The following DGKI variants were observed in gnomAD, a reference collection of about 807,000 sequenced individuals.
DGKI encodes the protein DAG kinase iota.
A neutral mutation model predicts 147.5 loss-of-function variants in DGKI; 55 were observed. That is an observed-to-expected ratio of 0.37 (90% CI 0.30 to 0.47). DGKI has a LOEUF of 0.47. Among genes scored for constraint, DGKI ranks in the 20% least tolerant of loss-of-function variants. The pLI is 1.00. For missense variants in DGKI, 1,007 were observed against 1,323.8 expected (o/e 0.76, Z 3.71); for synonymous variants, 469 against 477.1 (o/e 0.98, Z 0.22).
At chr7:137,797,553 C>G (rs1797071145) in intron 1 of DGKI, among the ~76,000 whole-genome samples, 1 of 152,040 alleles carries the variant, frequency 6.6e-6, no homozygotes, top group African/African-American at 2.4e-5. Flanking sequence ...GGAAACAGAG[C>G]TGTATATGAA....
rs1225627940 is a variant in DGKI at position 137,383,215 on chromosome 7, A to G, written c.*8005T>C. 6.6e-6 allele frequency: 1 copy of G among 151,056 alleles called. No homozygotes were observed. Among genetic ancestry groups the G allele is most frequent in the African/African-American group, 2.4e-5 (1 of 41,128 alleles). The allele number at this position is 151,056 out of a possible 1,614,324, so 9.4% of individuals were successfully genotyped here. On this transcript the variant is annotated 3_prime_UTR_variant, in exon 33 of 33. Coordinates refer to ENST00000614521, the MANE Select transcript of DGKI (RefSeq NM_001321708.2). ...TTTTAGGAGATTTGGGAATTGGCTA[A>G]CAATTGGCAAAATTGCTAGCCAATT...
chr7:137,396,328 C>T (rs948568838), intron 31 of DGKI, among the ~76,000 whole-genome samples: 2 of 152,132 alleles, frequency 1.3e-5, no homozygotes, highest in Non-Finnish European at 2.9e-5. Context: ...GGGCTCTCCC[C>T]AGGAGGCAGC....
rs534318716 is a variant in DGKI at position 137,635,227 on chromosome 7, C to G, written c.804+10245G>C. On this transcript the variant is annotated intron_variant, in intron 6 of 32. Coordinates refer to ENST00000614521, the MANE Select transcript of DGKI (RefSeq NM_001321708.2). ...GGAGTGATGGATGCTATATGTGGGT[C>G]CAATAGCATGGGTGGCCAGTCACCA... 1.8e-4 allele frequency among the ~76,000 whole-genome samples: 28 copies of G among 152,200 alleles called. No individual in the cohort carries two copies. The South Asian group carries it at 5.6e-3, about 30-fold the overall frequency.
At chr7:137,587,319 T>G in intron 12 of DGKI, 109 bp from the exon 13 acceptor site, 1 of 783,950 alleles carries the variant, frequency 1.3e-6, no homozygotes. Flanking sequence ...GGTTTTATTT[T>G]TCTTTAAAAC....
chr7:137,497,114 A>G (rs1467763269), intron 21 of DGKI, among the ~76,000 whole-genome samples: 6 of 152,076 alleles, frequency 3.9e-5, no homozygotes, highest in Non-Finnish European at 7.4e-5. Context: ...TTTACAAAAA[A>G]AAAAAAAGTG....
chr7:137,619,707 T>C (rs1021014896), intron 8 of DGKI, 117 bp downstream of exon 8: 8 of 750,172 alleles, frequency 1.1e-5, no homozygotes, highest in African/African-American at 3.5e-5. Flanking sequence ...CACAGGGCCT[T>C]GGGGATGAGT....
intron 28 of DGKI, 53 bp downstream of exon 28, chr7:137,444,024 C>G (rs1813614499): frequency 6.8e-7 from 1 of 1,474,586 alleles, no homozygotes; most frequent in African/African-American, 1.4e-5. Flanking sequence ...CTGCAAAGAC[C>G]AGGGGTCAAG....
chr7:137,696,827 G>T (rs1022750903), intron 1 of DGKI, among the ~76,000 whole-genome samples: 1 of 152,074 alleles, frequency 6.6e-6, no homozygotes, highest in African/African-American at 2.4e-5. Context: ...TTTAAGATAG[G>T]GTCTTTACAG....
intron 1 of DGKI, among the ~76,000 whole-genome samples, chr7:137,805,310 C>G (rs1797331866): frequency 6.6e-6 from 1 of 152,154 alleles, no homozygotes; most frequent in African/African-American, 2.4e-5. Flanking sequence ...TTCTCCTTAC[C>G]TGCCTGACAA....
At chr7:137,714,380 A>T (rs944297417) in intron 1 of DGKI, among the ~76,000 whole-genome samples, 17 of 152,228 alleles carry the variant, frequency 1.1e-4, no homozygotes, top group African/African-American at 4.1e-4. Context: ...CATCTTTTAT[A>T]ATGTGAGTGC....
chr7:137,425,820 G>A (rs1006977753), intron 28 of DGKI, among the ~76,000 whole-genome samples: 8 of 152,142 alleles, frequency 5.3e-5, no homozygotes, highest in Non-Finnish European at 1.0e-4. Context: ...TGAAGTGAAT[G>A]AAATGAAGCG....
chr7:137,699,956 G>C (rs534226578), intron 1 of DGKI, among the ~76,000 whole-genome samples: 1 of 152,318 alleles, frequency 6.6e-6, no homozygotes, highest in Admixed American at 6.5e-5. Flanking sequence ...AATCCTGCAT[G>C]ACCCTAAGGA....
At chr7:137,784,624 C>T (rs2116901531) in intron 1 of DGKI, among the ~76,000 whole-genome samples, 1 of 152,202 alleles carries the variant, frequency 6.6e-6, no homozygotes, top group South Asian at 2.1e-4. Context: ...AACAAATGAA[C>T]TTAACAGATA....
At chr7:137,640,556 A>T (rs1176089929) in intron 6 of DGKI, among the ~76,000 whole-genome samples, 1 of 152,152 alleles carries the variant, frequency 6.6e-6, no homozygotes, top group East Asian at 1.9e-4. Context: ...TCACCCTTAA[A>T]CGTCCCTTCC....
intron 28 of DGKI, among the ~76,000 whole-genome samples, chr7:137,418,713 ACT>A (rs1287668500): frequency 6.6e-6 from 1 of 151,672 alleles, no homozygotes; most frequent in East Asian, 1.9e-4. Flanking sequence ...CAGTCAGCTA[ACT>A]CTTTTTTTCC....
intron 6 of DGKI, among the ~76,000 whole-genome samples, chr7:137,627,116 C>T (rs1320282951): frequency 6.6e-6 from 1 of 152,116 alleles, no homozygotes; most frequent in African/African-American, 2.4e-5. Flanking sequence ...GCTGTTTCTT[C>T]ACTCCCAACA....
At chr7:137,696,166 T>C (rs899987631) in intron 1 of DGKI, among the ~76,000 whole-genome samples, 2 of 152,184 alleles carry the variant, frequency 1.3e-5, no homozygotes, top group African/African-American at 4.8e-5. Flanking sequence ...CAACAAACAT[T>C]TGACAAACTT....
At chr7:137,517,339 GAGAA>G (rs1173516756) in intron 21 of DGKI, among the ~76,000 whole-genome samples, 195 of 97,968 alleles carry the variant, frequency 2.0e-3, no homozygotes, top group South Asian at 3.5e-3. Context: ...AAGAAAGAAA[GAGAA>G]AGAAAGAAAG....
chr7:137,689,138 A>T (rs972221155), intron 2 of DGKI, among the ~76,000 whole-genome samples: 2 of 152,190 alleles, frequency 1.3e-5, no homozygotes, highest in Non-Finnish European at 2.9e-5. Context: ...TTCAGACTCA[A>T]CTAAAAGTGC....
Sources: gnomAD v4.1 joint callset for allele counts (sites outside exome capture counted in the v4.1 genomes callset) on GRCh38, gnomAD v4.1.1 for gene constraint, MANE v1.5 for transcripts, NCBI Gene and HGNC (gene_info 2026-07-23, HGNC 2026-07-21) for gene names.